FES: variants seen among roughly 807,000 people sequenced by gnomAD.
FES encodes the protein FES proto-oncogene, tyrosine kinase.
In FES, 83 loss-of-function variants were observed where a neutral mutation model predicts 109.6. The ratio of observed to expected loss-of-function variants is 0.76; its 90% CI spans 0.63 to 0.91. The LOEUF (loss-of-function observed/expected upper bound fraction) is 0.91, where lower values mean the gene tolerates loss of function less well. Among genes scored for constraint, FES ranks in the 40% least tolerant of loss-of-function variants. The pLI is 0.00. For missense variants in FES, 943 were observed against 1,070.9 expected, an observed-to-expected ratio of 0.88 and a Z score of 1.67; for synonymous variants, 458 against 442.1, an observed-to-expected ratio of 1.04 and a Z score of -0.45.
rs906347330 is a variant in FES at position 90,885,550 on chromosome 15, G to A, written c.352G>A (p.Glu118Lys). ...GCAGCAGCTTCGCAAGACCTACAGC[G>A]AGCAGTGGCAGCAGCTGCAGCAGGA... ...ERQQLRKTYS[E>K]QWQQLQQELT... Residue 118 changes from glutamate to lysine, a missense_variant, in exon 3 of 19, where the codon GAG (glutamate) becomes AAG (lysine). Transcript: ENST00000328850. The A allele has an allele frequency of 4.3e-6, 7 of 1,613,066 alleles. No individual in the cohort carries two copies. Among genetic ancestry groups the A allele is most frequent in the African/African-American group, 2.7e-5 (2 of 74,938 alleles).
rs200003412 is a variant in FES at position 90,893,830 on chromosome 15, C to G, written c.2203+19C>G. 9.7e-4 allele frequency: 1,542 copies of G among 1,595,726 alleles called. 28 individuals are homozygous for G. The highest frequency in any genetic ancestry group is 3.1e-4 in the Admixed American group (18 of 58,454). On this transcript the variant is annotated intron_variant, in intron 17 of 18. Transcript: ENST00000328850. ...AACTACGGTACCTAGTCCCTGTCTA[C>G]CCTGGACTCCATGGCCAGAGGCCAG...
rs1185697853 is a variant in FES, at chr15:90,893,528, G to A, written c.2045+114G>A. On this transcript the variant is annotated intron_variant, in intron 16 of 18. Coordinates refer to ENST00000328850, the MANE Select transcript of FES (RefSeq NM_002005.4). ...AGGCATCAGCTCCAGAGGGGGAGTT[G>A]GCCTCTGTGGTAGACAGGGGTGCCC... The A allele has an allele frequency of 3.4e-6, 5 of 1,486,642 alleles. No individual in the cohort carries two copies. In the African/African-American group the frequency reaches 4.2e-5, roughly 13 times the overall value. 92.1% of individuals were successfully genotyped at this position (1,486,642 alleles called of 1,614,324 possible). A position where few individuals can be genotyped will look rare whatever the true frequency, so the allele number is the denominator to read the frequency against.
chr15:90,884,924 C>T (rs1402606397), intron 1 of FES, 113 bp from the exon 2 acceptor site: 2 of 869,684 alleles, frequency 2.3e-6, no homozygotes, highest in Non-Finnish European at 3.6e-6. Flanking sequence ...CAGGACCCCA[C>T]CTCCTCCCCG....
intron 5 of FES, 36 bp downstream of exon 5, chr15:90,887,406 T>G: frequency 6.4e-7 from 1 of 1,570,682 alleles, no homozygotes; most frequent in Non-Finnish European, 8.6e-7. Context: ...CCCCCACCCT[T>G]GAGCAGCCCT....
intron 1 of FES, 57 bp from the exon 2 acceptor site, chr15:90,884,965 AGTCTCCTCGTCCCAT>A: frequency 7.8e-7 from 1 of 1,281,674 alleles, no homozygotes; most frequent in Non-Finnish European, 1.1e-6. Flanking sequence ...TACAGTCCCC[AGTCTCCTCGTCCCAT>A]GCCTCCGTCT....
At chr15:90,892,873 T>C (rs766030889) in intron 14 of FES, 48 bp downstream of exon 14, 17 of 1,561,092 alleles carry the variant, frequency 1.1e-5, no homozygotes, top group Non-Finnish European at 1.4e-5. Context: ...ACACAGAGGT[T>C]ACACTGCATG....
rs1381479771 is a variant in FES, at chr15:90,887,089, A to C, written c.484+32A>C. ...GGCTTCCCTTGCTGGCAGGGAGGGAATCCGAAGCCAGTGCTGACCTGTCCT... is the reference window on the plus strand; with the variant it reads ...GGCTTCCCTTGCTGGCAGGGAGGGACTCCGAAGCCAGTGCTGACCTGTCCT... On this transcript the variant is annotated intron_variant, in intron 4 of 18. Transcript: ENST00000328850. 5 of 1,613,658 alleles carry C rather than the reference A, an allele frequency of 3.1e-6. No individual in the cohort carries two copies. The South Asian group carries it at 5.5e-5, about 18-fold the overall frequency.
rs1320104500 is a variant in FES, at chr15:90,889,551, G to A, written c.841G>A (p.Asp281Asn). 3 of 1,613,800 alleles carry A rather than the reference G, an allele frequency of 1.9e-6. No homozygotes were observed. The highest frequency in any genetic ancestry group is 1.1e-5 in the South Asian group (1 of 91,068). ...TGACGTCCCACCCTGTGTCACGTTCGATGAGTCACTGCTTGAGGAGGGTGA... is the reference window on the plus strand; with the variant it reads ...TGACGTCCCACCCTGTGTCACGTTCAATGAGTCACTGCTTGAGGAGGGTGA... Reference protein sequence around the residue: ...APDVPPCVTFDESLLEEGEPL... With the variant: ...APDVPPCVTFNESLLEEGEPL... Residue 281 changes from aspartate (D) to asparagine (N), a missense_variant, in exon 7 of 19, where the codon GAT becomes AAT. Coordinates refer to ENST00000328850, the MANE Select transcript of FES (RefSeq NM_002005.4). This position sits in a 1 kb window ranked among gnomAD's most constrained non-coding sequence, Gnocchi z 6.1.
intron 12 of FES, 104 bp downstream of exon 12, chr15:90,891,780 G>A (rs951996889): frequency 2.9e-5 from 43 of 1,499,540 alleles, no homozygotes; most frequent in African/African-American, 2.6e-4. Context: ...CAGGCCCTCC[G>A]TCTACATACA....
intron 10 of FES, 116 bp from the exon 11 acceptor site, chr15:90,890,866 A>T: frequency 9.5e-7 from 1 of 1,049,876 alleles, no homozygotes; most frequent in Non-Finnish European, 1.4e-6. Context: ...TCTGCATGCC[A>T]CTCCATGGTT....
intron 11 of FES, 110 bp from the exon 12 acceptor site, chr15:90,891,444 C>A: frequency 1.4e-6 from 2 of 1,464,236 alleles, no homozygotes; most frequent in Non-Finnish European, 1.9e-6. Context: ...GGTCTCTCTG[C>A]CCCTGGTCCT....
At chr15:90,890,606 TC>T in intron 10 of FES, 122 bp downstream of exon 10, 1 of 914,738 alleles carries the variant, frequency 1.1e-6, no homozygotes, top group Non-Finnish European at 1.6e-6. Flanking sequence ...TCCCTGGGAT[TC>T]CAGGCTGCAG....
intron 1 of FES, 55 bp from the exon 2 acceptor site, chr15:90,884,982 C>T (rs2032424295): frequency 7.0e-7 from 1 of 1,435,464 alleles, no homozygotes; most frequent in Non-Finnish European, 9.5e-7. Context: ...TCGTCCCATG[C>T]CTCCGTCTCC....
chr15:90,887,757 G>A (rs578026556), intron 5 of FES, among the ~76,000 whole-genome samples: 1 of 152,356 alleles, frequency 6.6e-6, no homozygotes, highest in South Asian at 2.1e-4. Context: ...AGGCAAGGGA[G>A]GAGGTGACAG....
At chr15:90,888,611 G>C (rs2032888903) in intron 5 of FES, among the ~76,000 whole-genome samples, 1 of 152,102 alleles carries the variant, frequency 6.6e-6, no homozygotes, top group Non-Finnish European at 1.5e-5. Flanking sequence ...CCTATGGATT[G>C]GAAGTGGGGC....
chr15:90,893,810 C>CG lies in FES; in HGVS notation c.2203+1dup. 1 of 1,592,516 alleles carries CG rather than the reference C, an allele frequency of 6.3e-7. No individual in the cohort carries two copies. The highest frequency in any genetic ancestry group is 8.6e-7 in the Non-Finnish European group (1 of 1,168,002). On this transcript the variant is annotated frameshift_variant and splice_region_variant, in exon 17 of 19. Transcript: ENST00000328850. LOFTEE classifies it high-confidence loss of function. Reference sequence around the variant, plus strand: ...GGACCGCACCTGAGGCCCTTAACTACGGTACCTAGTCCCTGTCTACCCTGG... The same window carrying CG: ...GGACCGCACCTGAGGCCCTTAACTACGGGTACCTAGTCCCTGTCTACCCTGG...
Position 90,889,936 on chromosome 15 carries a change from A to G in FES, c.1023A>G (p.Glu341=), listed in dbSNP as rs1013976582. The part of the protein sequence containing the change: ...VTQLQQELRN[E]EENTHPRERV... ...AGCTGCAACAGGAGCTCCGGAATGA[A>G]GAGGAGAACACCCACCCCCGGGAGC... The change falls in exon 8 of 19, where the codon GAA becomes GAG. Residue 341 remains glutamate, a synonymous_variant. Coordinates refer to ENST00000328850, the MANE Select transcript of FES (RefSeq NM_002005.4). The surrounding 1 kb of genome is among the most constrained non-coding windows in gnomAD (Gnocchi z 6.1). 6 of 1,613,008 alleles carry G rather than the reference A, an allele frequency of 3.7e-6. No individual in the cohort carries two copies. The highest frequency in any genetic ancestry group is 1.6e-4 in the Middle Eastern group (1 of 6,084).
chr15:90,893,199 G>A lies in FES; in HGVS notation c.1921+5G>A, dbSNP rs1219049823. The A allele has an allele frequency of 1.9e-6, 3 of 1,613,774 alleles. No individual in the cohort carries two copies. The highest frequency in any genetic ancestry group is 1.3e-5 in the African/African-American group (1 of 75,062). ...TCGTCATGGAGCTTGTGCAGGGTGA[G>A]CGCGGGGCGCTGAGCTCCAGGTAGG... is the stretch of plus-strand genomic sequence containing the variant. On this transcript the variant is annotated splice_donor_5th_base_variant and intron_variant, in intron 15 of 18. Transcript: ENST00000328850.
At chr15:90,886,346 C>G (rs1342410598) in intron 3 of FES, among the ~76,000 whole-genome samples, 1 of 152,230 alleles carries the variant, frequency 6.6e-6, no homozygotes, top group African/African-American at 2.4e-5. Flanking sequence ...GTGACAGAGG[C>G]TCTATGGCCT....
Sources: gnomAD v4.1 joint callset for allele counts (sites outside exome capture counted in the v4.1 genomes callset) on GRCh38, gnomAD v4.1.1 for gene constraint, Gnocchi (gnomAD v3.1) non-coding constraint, MANE v1.5 for transcripts, NCBI Gene and HGNC (gene_info 2026-07-23, HGNC 2026-07-21) for gene names.